Variants in RIMS1 observed in about 807,000 individuals in gnomAD.
RIMS1 encodes regulating synaptic membrane exocytosis 1.
A neutral mutation model predicts 214.1 loss-of-function variants in RIMS1; 83 were observed. The observed-to-expected ratio is 0.39, with a 90% confidence interval of 0.32 to 0.47. RIMS1 has a LOEUF of 0.47. Among genes scored for constraint, RIMS1 ranks in the 20% least tolerant of loss-of-function variants. RIMS1 has a pLI of 0.99. For missense variants in RIMS1, 2,050 were observed against 2,161.8 expected (o/e 0.95, Z 1.03); for synonymous variants, 793 against 786.8 (o/e 1.01, Z -0.13).
intron 4 of RIMS1, among the ~76,000 whole-genome samples, chr6:72,133,672 G>T (rs1026658219): frequency 1.2e-4 from 18 of 152,238 alleles, no homozygotes; most frequent in African/African-American, 3.8e-4. Flanking sequence ...CACTGACTGT[G>T]GATGACACCA....
intron 22 of RIMS1, among the ~76,000 whole-genome samples, chr6:72,266,835 A>C (rs17727651): frequency 0.2 from 30,751 of 151,990 alleles, 3,934 homozygotes; most frequent in Non-Finnish European, 0.28. Flanking sequence ...ATCTCTTTTT[A>C]ATTAGAAGTC....
At chr6:71,939,881 A>G (rs1371698336) in intron 1 of RIMS1, among the ~76,000 whole-genome samples, 1 of 152,234 alleles carries the variant, frequency 6.6e-6, no homozygotes, top group Admixed American at 6.5e-5. Flanking sequence ...AAATAACTCA[A>G]TTTGAAATAA....
chr6:72,107,476 G>C (rs1025903487), intron 4 of RIMS1, among the ~76,000 whole-genome samples: 20 of 152,214 alleles, frequency 1.3e-4, no homozygotes, highest in African/African-American at 4.6e-4. Context: ...TGGGAGGATT[G>C]CTTGAATCCG....
intron 29 of RIMS1, among the ~76,000 whole-genome samples, chr6:72,387,551 A>C (rs7763628): frequency 6.6e-6 from 1 of 152,236 alleles, no homozygotes; most frequent in Non-Finnish European, 1.5e-5. Context: ...ATGAATAAAT[A>C]CCAAAACTAA....
intron 29 of RIMS1, among the ~76,000 whole-genome samples, chr6:72,364,402 C>T (rs151088576): frequency 1.5e-3 from 221 of 152,286 alleles, no homozygotes; most frequent in African/African-American, 4.2e-3. Flanking sequence ...GGAGGCTGTA[C>T]TCTATGTGCA....
At chr6:72,345,345 T>C (rs1208274910) in intron 29 of RIMS1, among the ~76,000 whole-genome samples, 2 of 151,830 alleles carry the variant, frequency 1.3e-5, no homozygotes, top group Non-Finnish European at 2.9e-5. Flanking sequence ...GTATTATTAA[T>C]ATTGATAAAA....
At chr6:72,300,708 G>A (rs2094522516) in intron 26 of RIMS1, among the ~76,000 whole-genome samples, 1 of 151,694 alleles carries the variant, frequency 6.6e-6, no homozygotes, top group East Asian at 1.9e-4. Context: ...TAAAGGACAA[G>A]ATATATAACA....
At chr6:72,076,338 C>G (rs1289082238) in intron 2 of RIMS1, among the ~76,000 whole-genome samples, 2 of 152,162 alleles carry the variant, frequency 1.3e-5, no homozygotes, top group Non-Finnish European at 2.9e-5. Context: ...CAATTTTGTT[C>G]CCTGCCAAGG....
chr6:71,990,663 C>A (rs1378114915), intron 2 of RIMS1, among the ~76,000 whole-genome samples: 1 of 151,756 alleles, frequency 6.6e-6, no homozygotes, highest in East Asian at 2.0e-4. Flanking sequence ...GACCTGGGGG[C>A]TGAAAAGTGA....
chr6:72,196,195 A>G (rs2050835767), intron 6 of RIMS1, among the ~76,000 whole-genome samples: 2 of 152,126 alleles, frequency 1.3e-5, no homozygotes, highest in African/African-American at 4.8e-5. Context: ...TTTTCTTGTA[A>G]CATTAAGAGG....
chr6:72,373,595 T>C lies in RIMS1; in HGVS notation c.4367-17003T>C, dbSNP rs114890970. Among the ~76,000 whole-genome samples, 663 of 152,346 alleles carry C rather than the reference T, an allele frequency of 4.4e-3. 3 individuals are homozygous for C. Among genetic ancestry groups the C allele is most frequent in the African/African-American group, 0.015 (639 of 41,582 alleles). On this transcript the variant is annotated intron_variant, in intron 29 of 33. Coordinates refer to ENST00000521978, the MANE Select transcript of RIMS1 (RefSeq NM_014989.7). ...AGAAAGTAATTGATTCTGCTAAGGA[T>C]GTCAAATTAAATTAGAGTCAGTAAT...
At chr6:72,000,043 C>G (rs980051963) in intron 2 of RIMS1, among the ~76,000 whole-genome samples, 3 of 151,926 alleles carry the variant, frequency 2.0e-5, no homozygotes, top group African/African-American at 7.2e-5. Flanking sequence ...CTTTTCTTCT[C>G]TAATTTGTTC....
At chr6:72,278,151 TAATCTATCTATCTATCTATC>T (rs1406060496) in intron 23 of RIMS1, among the ~76,000 whole-genome samples, 14 of 121,210 alleles carry the variant, frequency 1.2e-4, no homozygotes, top group Admixed American at 2.7e-4. Flanking sequence ...GAATGGTTTT[TAATCTATCTATCTATCTATC>T]TATCTATCTA....
At position 72,400,733 on chromosome 6, in the gene RIMS1, A is replaced by G. The variant is rs2154461568; in HGVS notation, c.*19A>G. On this transcript the variant is annotated 3_prime_UTR_variant, in exon 34 of 34. Coordinates refer to ENST00000521978, the MANE Select transcript of RIMS1 (RefSeq NM_014989.7). The stretch of plus-strand genomic sequence containing the variant: ...ATCATAGTGAACTCATACCAGAGTC[A>G]TTCCAATAAAACTCTACTTTTCAGG... 6.5e-7 allele frequency: 1 copy of G among 1,546,796 alleles called. No individual in the cohort carries two copies. The highest frequency in any genetic ancestry group is 2.3e-5 in the East Asian group (1 of 44,364).
At chr6:71,984,933 C>T (rs1799511609) in intron 2 of RIMS1, among the ~76,000 whole-genome samples, 1 of 152,118 alleles carries the variant, frequency 6.6e-6, no homozygotes, top group African/African-American at 2.4e-5. Flanking sequence ...CACTCCTACA[C>T]TCTTCCTCCT....
At chr6:72,258,899 T>C in intron 17 of RIMS1, 87 bp from the exon 18 acceptor site, 2 of 1,229,338 alleles carry the variant, frequency 1.6e-6, no homozygotes, top group Non-Finnish European at 2.4e-6. Flanking sequence ...TATTTGCATA[T>C]TACTCTCAGT....
chr6:72,176,489 AT>A (rs1319891839), intron 4 of RIMS1, among the ~76,000 whole-genome samples: 2 of 152,104 alleles, frequency 1.3e-5, no homozygotes, highest in Admixed American at 6.5e-5. Context: ...TGAGCAATTT[AT>A]TTTTTATTTG....
chr6:72,233,826 T>C lies in RIMS1; in HGVS notation c.1732T>C (p.Ser578Pro). The C allele has an allele frequency of 6.3e-7, 1 of 1,579,742 alleles. No individual in the cohort carries two copies. The highest frequency in any genetic ancestry group is 1.2e-5 in the South Asian group (1 of 86,450). ...DPATWHSRET[S>P]PISSHPVTWQ... ...TGCCACGTGGCACAGCCGGGAGACA[T>C]CACCTATTAGTTCGGTAAGTTTTCT... is the stretch of plus-strand genomic sequence containing the variant. Residue 578 changes from serine to proline, a missense_variant, in exon 7 of 34, where the codon TCA becomes CCA. Ser to Pro is a moderately conservative substitution (Grantham distance 74). This residue lies in a region of RIMS1 where 882 missense variants were observed against 828.9 expected (regional missense o/e 1.06). Transcript: ENST00000521978.
At chr6:72,373,598 CAAATT>C (rs1404055529) in intron 29 of RIMS1, among the ~76,000 whole-genome samples, 7 of 152,282 alleles carry the variant, frequency 4.6e-5, no homozygotes, top group Admixed American at 2.0e-4. Flanking sequence ...CTAAGGATGT[CAAATT>C]AAATTAGAGT....
Sources: gnomAD v4.1 joint callset for allele counts (sites outside exome capture counted in the v4.1 genomes callset) on GRCh38, gnomAD v4.1.1 for gene constraint, gnomAD v4.1.1 regional missense constraint, MANE v1.5 for transcripts, NCBI Gene and HGNC (gene_info 2026-07-23, HGNC 2026-07-21) for gene names.